The following RP1 variants were observed in gnomAD, a reference collection of about 807,000 sequenced individuals.
The protein encoded by RP1 is oxygen-regulated protein 1.
In RP1, 16 loss-of-function variants were observed where a neutral mutation model predicts 14.8. That is an observed-to-expected ratio of 1.08 (90% CI 0.73 to 1.65). The LOEUF (loss-of-function observed/expected upper bound fraction) is 1.65, where lower values mean the gene tolerates loss of function less well. RP1 is among the 40% of genes most tolerant of loss of function. RP1 has a pLI of 0.00. For missense variants in RP1, 2,631 were observed against 2,535.0 expected (o/e 1.04, Z -0.81); for synonymous variants, 876 against 883.6 (o/e 0.99, Z 0.15).
Position 54,755,695 on chromosome 8 carries a change from CT to C in RP1, c.3021del (p.Phe1007LeufsTer19). On this transcript the variant is annotated frameshift_variant, in exon 21 of 23. Transcript: ENST00000636932. LOFTEE classifies it high-confidence loss of function. ...CGGAGTCTGAGGTTTTCCTCTGTCT[CT>C]TTGGGGAGAGGGGAGACTCTGGCCT... 6.5e-7 allele frequency: 1 copy of C among 1,535,842 alleles called. No individual in the cohort carries two copies. The highest frequency in any genetic ancestry group is 8.7e-7 in the Non-Finnish European group (1 of 1,146,750).
At chr8:54,781,128 A>G (rs1002494768) in intron 23 of RP1, 2 of 664,708 alleles carry the variant, frequency 3.0e-6, no homozygotes, top group African/African-American at 3.9e-5. Flanking sequence ...TTTAAATGAA[A>G]GACATTGCTA....
In RP1 at chr8:54,630,393, T is replaced by C; in HGVS notation, c.*40T>C. On this transcript the variant is annotated 3_prime_UTR_variant, in exon 4 of 4. Transcript: ENST00000220676. ...CACTCATTCTTTGTCAATTCATTTTTTCCCATGAGATGAAGCACATGTGAC... is the reference window on the plus strand; with the variant it reads ...CACTCATTCTTTGTCAATTCATTTTCTCCCATGAGATGAAGCACATGTGAC... 1 of 1,610,010 alleles carries C rather than the reference T, an allele frequency of 6.2e-7. No homozygotes were observed. The highest frequency in any genetic ancestry group is 8.5e-7 in the Non-Finnish European group (1 of 1,177,728).
chr8:54,854,326 A>G (rs1338350023), intron 26 of RP1, among the ~76,000 whole-genome samples: 1 of 152,218 alleles, frequency 6.6e-6, no homozygotes, highest in Admixed American at 6.5e-5. Flanking sequence ...GAAACAGAAG[A>G]CAGTCCAGAA....
At chr8:54,855,556 G>A (rs555268527) in intron 26 of RP1, among the ~76,000 whole-genome samples, 1 of 152,196 alleles carries the variant, frequency 6.6e-6, no homozygotes, top group South Asian at 2.1e-4. Flanking sequence ...GAGTAAAAAG[G>A]GAAGGCACAC....
At chr8:54,777,972 T>A (rs1810082885) in intron 23 of RP1, among the ~76,000 whole-genome samples, 1 of 152,236 alleles carries the variant, frequency 6.6e-6, no homozygotes, top group African/African-American at 2.4e-5. Flanking sequence ...TAAATAGTTA[T>A]ATATTGTGCT....
intron 22 of RP1, among the ~76,000 whole-genome samples, chr8:54,768,321 C>T (rs1335576231): frequency 6.6e-6 from 1 of 152,212 alleles, no homozygotes; most frequent in Non-Finnish European, 1.5e-5. Context: ...TCTTTTTCTG[C>T]TCCTATAACA....
chr8:54,725,341 C>T (rs1404845027), intron 16 of RP1, among the ~76,000 whole-genome samples: 1 of 151,978 alleles, frequency 6.6e-6, no homozygotes, highest in Non-Finnish European at 1.5e-5. Context: ...CTCAGCATTG[C>T]ATTGTATATA....
intron 1 of RP1, among the ~76,000 whole-genome samples, chr8:54,588,856 A>G (rs1339530760): frequency 6.6e-6 from 1 of 152,224 alleles, no homozygotes; most frequent in Non-Finnish European, 1.5e-5. Context: ...TCTACCATTT[A>G]AAAGGTACTT....
chr8:54,827,831 G>A (rs1406196744), intron 24 of RP1, among the ~76,000 whole-genome samples: 1 of 151,948 alleles, frequency 6.6e-6, no homozygotes, highest in Non-Finnish European at 1.5e-5. Context: ...CGGGAAGGCG[G>A]AGGTAGCAGT....
At chr8:54,853,342 G>A (rs941194727) in intron 26 of RP1, among the ~76,000 whole-genome samples, 1 of 152,152 alleles carries the variant, frequency 6.6e-6, no homozygotes, top group Non-Finnish European at 1.5e-5. Flanking sequence ...CAGCAGTGAA[G>A]GAAGGCAGAG....
chr8:54,833,976 T>C (rs1811599182), intron 24 of RP1, among the ~76,000 whole-genome samples: 1 of 152,088 alleles, frequency 6.6e-6, no homozygotes, highest in South Asian at 2.1e-4. Context: ...ATATGATTTA[T>C]TTAACATATG....
chr8:54,727,986 G>A (rs982752143), intron 17 of RP1, among the ~76,000 whole-genome samples: 3 of 152,064 alleles, frequency 2.0e-5, no homozygotes, highest in Admixed American at 6.6e-5. Context: ...ACTGAGCTCA[G>A]TTTCTTCATG....
intron 24 of RP1, among the ~76,000 whole-genome samples, chr8:54,787,642 C>G (rs1204015631): frequency 6.6e-6 from 1 of 152,102 alleles, no homozygotes; most frequent in Non-Finnish European, 1.5e-5. Context: ...AAAGTTAGTG[C>G]TTATGCCGTT....
In RP1 at chr8:54,627,299, G is replaced by A; in HGVS notation, c.3417G>A (p.Lys1139=). 6.2e-7 allele frequency: 1 copy of A among 1,614,090 alleles called. No homozygotes were observed. The highest frequency in any genetic ancestry group is 8.5e-7 in the Non-Finnish European group (1 of 1,179,974). ...LLAWLLVLNL[K]GSMNSFCQVD... Reference sequence around the variant, plus strand: ...CTTGGCTCTTGGTGCTAAACCTAAAGGGAAGTATGAATAGCTTCTGTCAAG... The same window carrying A: ...CTTGGCTCTTGGTGCTAAACCTAAAAGGAAGTATGAATAGCTTCTGTCAAG... The change falls in exon 4 of 4, where the codon AAG becomes AAA. Residue 1139 remains lysine (K), a synonymous_variant. Coordinates refer to ENST00000220676, the MANE Select transcript of RP1 (RefSeq NM_006269.2).
intron 24 of RP1, among the ~76,000 whole-genome samples, chr8:54,788,769 G>A (rs1293675303): frequency 1.3e-5 from 2 of 152,186 alleles, no homozygotes; most frequent in Non-Finnish European, 2.9e-5. Context: ...CCCCAGTTCA[G>A]ATGATATCAG....
intron 1 of RP1, among the ~76,000 whole-genome samples, chr8:54,603,765 G>C (rs999579593): frequency 1.3e-5 from 2 of 152,140 alleles, no homozygotes; most frequent in Non-Finnish European, 2.9e-5. Flanking sequence ...TCCCTTGTAA[G>C]TTGGATTCCT....
At chr8:54,869,972 A>C (rs893273269) in exon 29 of RP1, 6 of 1,012,282 alleles carry the variant, frequency 5.9e-6, no homozygotes, top group Admixed American at 4.3e-5. Flanking sequence ...TCGCTCCAAT[A>C]TGCTTCAAAA....
At chr8:54,581,301 T>C (rs1804786967) in intron 1 of RP1, among the ~76,000 whole-genome samples, 1 of 152,150 alleles carries the variant, frequency 6.6e-6, no homozygotes, top group African/African-American at 2.4e-5. Flanking sequence ...TGATGGTTTC[T>C]AGCTTCATCC....
chr8:54,684,300 T>C (rs1191134758), intron 12 of RP1, among the ~76,000 whole-genome samples: 1 of 152,160 alleles, frequency 6.6e-6, no homozygotes, highest in Non-Finnish European at 1.5e-5. Flanking sequence ...TGCCAGGTTT[T>C]GCTATCAGAA....
Sources: allele counts gnomAD v4.1 joint callset (sites outside exome capture counted in the v4.1 genomes callset), GRCh38; gene constraint gnomAD v4.1.1; transcripts MANE v1.5; gene names NCBI Gene and HGNC (gene_info 2026-07-23, HGNC 2026-07-21).